Variants in TBC1D1 observed in about 807,000 individuals in gnomAD.
The protein encoded by TBC1D1 is TBC1 domain family member 1.
In TBC1D1, 89 loss-of-function variants were observed where a neutral mutation model predicts 125.6. The observed-to-expected ratio is 0.71, with a 90% CI of 0.60 to 0.85. TBC1D1 has a LOEUF of 0.85. Ranked by LOEUF, TBC1D1 falls within the 40% of genes least tolerant of loss-of-function variation. The pLI is 0.00. For synonymous variants in TBC1D1, 565 were observed against 564.1 expected, an observed-to-expected ratio of 1.00 and a Z score of -0.02; for missense variants, 1,377 against 1,469.2, an observed-to-expected ratio of 0.94 and a Z score of 1.03.
In TBC1D1 at chr4:38,103,173, C is replaced by A; in HGVS notation, c.2557+16C>A. On this transcript the variant is annotated intron_variant, in intron 15 of 19. Coordinates refer to ENST00000261439, the MANE Select transcript of TBC1D1 (RefSeq NM_015173.4). ...ATTGACCTTGGTAAGTCTGTGCCATCGATTGGAGATGACAATGGAAGTTTC... is the reference window on the plus strand; with the variant it reads ...ATTGACCTTGGTAAGTCTGTGCCATAGATTGGAGATGACAATGGAAGTTTC... The A allele has an allele frequency of 6.3e-7, 1 of 1,595,528 alleles. No homozygotes were observed. Among genetic ancestry groups the A allele is most frequent in the Non-Finnish European group, 8.5e-7 (1 of 1,171,858 alleles).
chr4:37,978,130 A>G (rs926497137), intron 2 of TBC1D1, among the ~76,000 whole-genome samples: 1 of 152,236 alleles, frequency 6.6e-6, no homozygotes, highest in African/African-American at 2.4e-5. Context: ...CGCCTTCGAG[A>G]TAACTGGGTG....
At chr4:38,109,498 C>T (rs1158983562) in intron 15 of TBC1D1, among the ~76,000 whole-genome samples, 1 of 152,202 alleles carries the variant, frequency 6.6e-6, no homozygotes, top group South Asian at 2.1e-4. Context: ...GCTCCTCTCA[C>T]CCCTCAGAGG....
intron 2 of TBC1D1, among the ~76,000 whole-genome samples, chr4:37,925,931 C>T (rs1329090812): frequency 2.6e-5 from 4 of 152,150 alleles, no homozygotes; most frequent in Admixed American, 2.6e-4. Context: ...AATATTTCCC[C>T]ATCTACTTTT....
chr4:38,115,834 C>T lies in TBC1D1; in HGVS notation c.2682C>T (p.Ser894=). The change falls in exon 16 of 20, where the codon AGC becomes AGT. Residue 894 remains serine, a synonymous_variant. Coordinates refer to ENST00000261439, the MANE Select transcript of TBC1D1 (RefSeq NM_015173.4). ...AAGTGGGATATTGCCAAGGTCTCAG[C>T]TTTGTAGCAGGCATTTTGCTTCTTC... is the stretch of plus-strand genomic sequence containing the variant. 6.2e-7 allele frequency: 1 copy of T among 1,614,152 alleles called. No homozygotes were observed. The highest frequency in any genetic ancestry group is 1.7e-5 in the Admixed American group (1 of 60,018).
At chr4:37,974,299 C>T (rs1732616430) in intron 2 of TBC1D1, among the ~76,000 whole-genome samples, 1 of 152,098 alleles carries the variant, frequency 6.6e-6, no homozygotes, top group Non-Finnish European at 1.5e-5. Context: ...GGCTGAATCT[C>T]AACTCACTGC....
intron 12 of TBC1D1, among the ~76,000 whole-genome samples, chr4:38,068,703 T>C (rs1754166317): frequency 6.6e-6 from 1 of 152,220 alleles, no homozygotes; most frequent in African/African-American, 2.4e-5. Context: ...CCCCTCACAT[T>C]AGCCTCATTT....
At chr4:38,084,658 C>T (rs1301701684) in intron 12 of TBC1D1, among the ~76,000 whole-genome samples, 4 of 152,002 alleles carry the variant, frequency 2.6e-5, no homozygotes, top group Admixed American at 2.6e-4. Flanking sequence ...GTTCAATTTT[C>T]TCCTTTCCAG....
intron 2 of TBC1D1, among the ~76,000 whole-genome samples, chr4:37,999,062 A>G (rs1738447528): frequency 6.6e-6 from 1 of 152,184 alleles, no homozygotes; most frequent in African/African-American, 2.4e-5. Flanking sequence ...CAGCCTGGCC[A>G]ACACGGTGAA....
At chr4:38,064,998 T>C (rs1000939938) in intron 12 of TBC1D1, among the ~76,000 whole-genome samples, 4 of 152,052 alleles carry the variant, frequency 2.6e-5, no homozygotes, top group African/African-American at 9.6e-5. Context: ...GGGCACCATC[T>C]CTGCTCACTG....
chr4:37,915,772 C>T (rs1367542530), intron 2 of TBC1D1, among the ~76,000 whole-genome samples: 2 of 152,176 alleles, frequency 1.3e-5, no homozygotes, highest in Non-Finnish European at 2.9e-5. Flanking sequence ...AGGACAGACT[C>T]CTGTTGTTCA....
chr4:37,972,964 A>C (rs1456342983), intron 2 of TBC1D1, among the ~76,000 whole-genome samples: 5 of 152,092 alleles, frequency 3.3e-5, no homozygotes, highest in Admixed American at 6.5e-5. Flanking sequence ...TTCTGATGTT[A>C]AGTTTCCTTT....
chr4:38,058,017 C>G (rs898406739), intron 12 of TBC1D1, among the ~76,000 whole-genome samples: 2 of 152,218 alleles, frequency 1.3e-5, no homozygotes, highest in Admixed American at 6.5e-5. Flanking sequence ...GGCGTGGACT[C>G]TCAGTGTACC....
At chr4:37,940,309 A>G (rs1369072246) in intron 2 of TBC1D1, among the ~76,000 whole-genome samples, 2 of 152,060 alleles carry the variant, frequency 1.3e-5, no homozygotes, top group Non-Finnish European at 2.9e-5. Flanking sequence ...TTCACTCATG[A>G]TTTGGCTCTC....
chr4:38,047,448 T>A (rs1413158335), intron 10 of TBC1D1, among the ~76,000 whole-genome samples: 1 of 152,126 alleles, frequency 6.6e-6, no homozygotes, highest in Admixed American at 6.5e-5. Context: ...GTCTTGTAAA[T>A]GTGAGTTTCT....
At chr4:37,910,746 G>A (rs1013009584) in intron 2 of TBC1D1, among the ~76,000 whole-genome samples, 3 of 152,014 alleles carry the variant, frequency 2.0e-5, no homozygotes, top group African/African-American at 7.2e-5. Flanking sequence ...ATACAACGGA[G>A]TGACCATAGT....
At chr4:37,942,352 C>CT (rs569587262) in intron 2 of TBC1D1, among the ~76,000 whole-genome samples, 2,858 of 151,842 alleles carry the variant, frequency 0.019, 92 homozygotes, top group African/African-American at 0.064. Context: ...CAACCCCTGC[C>CT]TTTTTTTTGT....
chr4:37,900,243 C>A (rs74366794), intron 1 of TBC1D1, among the ~76,000 whole-genome samples: 561 of 152,032 alleles, frequency 3.7e-3, no homozygotes, highest in African/African-American at 0.013. Flanking sequence ...TTGAGGACCT[C>A]GGCAACTTTA....
chr4:38,005,920 G>C (rs1740063211), intron 2 of TBC1D1, among the ~76,000 whole-genome samples: 1 of 152,208 alleles, frequency 6.6e-6, no homozygotes, highest in African/African-American at 2.4e-5. Flanking sequence ...AGTCACCTCT[G>C]AGTGACACAT....
At chr4:37,952,381 G>T in intron 2 of TBC1D1, 1 of 374,644 alleles carries the variant, frequency 2.7e-6, no homozygotes, top group Admixed American at 3.8e-5. Context: ...GTCAATCCAA[G>T]TGTCCATCAA....
Sources: gnomAD v4.1 joint callset for allele counts (sites outside exome capture counted in the v4.1 genomes callset) on GRCh38, gnomAD v4.1.1 for gene constraint, MANE v1.5 for transcripts, NCBI Gene and HGNC (gene_info 2026-07-23, HGNC 2026-07-21) for gene names.